The following CLSTN2 variants were observed in gnomAD, a reference collection of about 807,000 sequenced individuals.
The protein encoded by CLSTN2 is calsyntenin-2.
Under a neutral mutation model 101.2 loss-of-function variants are expected in CLSTN2, and 48 were observed. The observed-to-expected ratio is 0.47, with a 90% CI of 0.38 to 0.60. CLSTN2 has a LOEUF of 0.60. CLSTN2 is among the 20% of genes least tolerant of loss of function. The pLI, the probability that CLSTN2 is intolerant of heterozygous loss-of-function variation, is 0.00. For synonymous variants in CLSTN2, 481 were observed against 463.6 expected (o/e 1.04, Z -0.48); for missense variants, 1,160 against 1,238.2 (o/e 0.94, Z 0.95).
intron 1 of CLSTN2, among the ~76,000 whole-genome samples, chr3:140,115,717 A>G (rs1241250284): frequency 6.6e-6 from 1 of 152,198 alleles, no homozygotes; most frequent in Non-Finnish European, 1.5e-5. Context: ...CCAAAATGTC[A>G]TGCCCCAAGA....
In CLSTN2 at chr3:140,192,135, G is replaced by A. The variant is rs142918516; in HGVS notation, c.232+16062G>A. ...TTGCTAAATGTTTGGAGATTGTCCT[G>A]TTATCTCTCTATTATTGATTTCTAG... On this transcript the variant is annotated intron_variant, in intron 2 of 16. Transcript: ENST00000458420. Among the ~76,000 whole-genome samples the A allele has an allele frequency of 6.2e-4, 94 of 151,978 alleles. No individual in the cohort carries two copies. The East Asian group carries it at 0.016, about 26-fold the overall frequency.
chr3:140,170,428 A>G (rs775855298), intron 1 of CLSTN2, among the ~76,000 whole-genome samples: 16 of 152,166 alleles, frequency 1.1e-4, no homozygotes, highest in Non-Finnish European at 1.8e-4. Flanking sequence ...GAAGGGAGAA[A>G]ATTTGGGGGA....
intron 1 of CLSTN2, among the ~76,000 whole-genome samples, chr3:140,088,750 C>T (rs185200277): frequency 6.6e-6 from 1 of 152,164 alleles, no homozygotes; most frequent in Non-Finnish European, 1.5e-5. Flanking sequence ...TCATGCCTCT[C>T]CCCTGGGTTT....
intron 1 of CLSTN2, among the ~76,000 whole-genome samples, chr3:140,096,407 C>T (rs538189424): frequency 3.3e-5 from 5 of 152,166 alleles, no homozygotes; most frequent in Non-Finnish European, 7.3e-5. Context: ...GCATTTGTGA[C>T]GTGCCAGAGG....
intron 7 of CLSTN2, among the ~76,000 whole-genome samples, chr3:140,463,568 C>T (rs59781660): frequency 0.044 from 6,657 of 152,310 alleles, 385 homozygotes; most frequent in East Asian, 0.31. Context: ...CTTAAGTCTG[C>T]TCCAGGCTGG....
chr3:139,981,842 A>G (rs2107824020), intron 1 of CLSTN2, among the ~76,000 whole-genome samples: 1 of 152,328 alleles, frequency 6.6e-6, no homozygotes, highest in East Asian at 1.9e-4. Context: ...ATGTAAGCAA[A>G]TGAAAAAGTG....
intron 1 of CLSTN2, among the ~76,000 whole-genome samples, chr3:139,981,163 T>C (rs1004617805): frequency 1.7e-4 from 26 of 152,178 alleles, no homozygotes; most frequent in Admixed American, 3.3e-4. Flanking sequence ...TTTTGGAAAA[T>C]GTCATTCTCT....
intron 2 of CLSTN2, among the ~76,000 whole-genome samples, chr3:140,297,158 GT>G (rs927051204): frequency 1.3e-5 from 2 of 152,186 alleles, no homozygotes; most frequent in African/African-American, 4.8e-5. Context: ...TCAATTTGTT[GT>G]GTTTGTTTGC....
chr3:140,113,143 A>G lies in CLSTN2; in HGVS notation c.110-62808A>G, dbSNP rs563621032. On this transcript the variant is annotated intron_variant, in intron 1 of 16. Coordinates refer to ENST00000458420, the MANE Select transcript of CLSTN2 (RefSeq NM_022131.3). ...AAATTGGCCACGGATGGAATTTTAC[A>G]CCATGGAAATCGGCAAACACTACAA... 1.7e-3 allele frequency among the ~76,000 whole-genome samples: 258 copies of G among 152,266 alleles called. 2 individuals are homozygous for G. The highest frequency in any genetic ancestry group is 5.8e-3 in the African/African-American group (240 of 41,564).
intron 5 of CLSTN2, among the ~76,000 whole-genome samples, chr3:140,437,353 G>T (rs2088699276): frequency 6.6e-6 from 1 of 152,148 alleles, no homozygotes; most frequent in Non-Finnish European, 1.5e-5. Flanking sequence ...CAGCCAGGAG[G>T]TTCGGTTAAT....
chr3:140,117,782 A>T (rs1394513055), intron 1 of CLSTN2, among the ~76,000 whole-genome samples: 1 of 152,132 alleles, frequency 6.6e-6, no homozygotes. Flanking sequence ...AGATGGGAAA[A>T]CCAGGGAGGC....
intron 8 of CLSTN2, among the ~76,000 whole-genome samples, chr3:140,516,935 T>C (rs963894850): frequency 6.6e-6 from 1 of 152,212 alleles, no homozygotes; most frequent in African/African-American, 2.4e-5. Flanking sequence ...TTTCCAAACT[T>C]TTAGATTTCT....
At chr3:140,052,416 A>G (rs1404540640) in intron 1 of CLSTN2, among the ~76,000 whole-genome samples, 1 of 152,122 alleles carries the variant, frequency 6.6e-6, no homozygotes, top group African/African-American at 2.4e-5. Context: ...TCGGCCTCCC[A>G]AAGTGCTGAG....
At chr3:140,189,373 T>C (rs985814837) in intron 2 of CLSTN2, among the ~76,000 whole-genome samples, 8 of 152,170 alleles carry the variant, frequency 5.3e-5, no homozygotes. Flanking sequence ...ACCGGCAGTG[T>C]ATAAGTGATA....
chr3:140,024,187 C>G (rs2007374038), intron 1 of CLSTN2, among the ~76,000 whole-genome samples: 2 of 152,194 alleles, frequency 1.3e-5, no homozygotes, highest in Non-Finnish European at 2.9e-5. Flanking sequence ...ACCACACTTC[C>G]TGAGGCATCT....
chr3:140,486,441 A>C (rs182154225), intron 8 of CLSTN2, among the ~76,000 whole-genome samples: 3 of 152,356 alleles, frequency 2.0e-5, no homozygotes, highest in Non-Finnish European at 4.4e-5. Context: ...ACAACAAAAA[A>C]AGGATGGAGG....
chr3:140,447,356 G>A (rs1357953885), intron 5 of CLSTN2, among the ~76,000 whole-genome samples: 1 of 152,220 alleles, frequency 6.6e-6, no homozygotes, highest in East Asian at 1.9e-4. Flanking sequence ...TGTCCTCCCA[G>A]AGCGTGGGAT....
intron 8 of CLSTN2, among the ~76,000 whole-genome samples, chr3:140,522,350 CTT>C (rs61031456): frequency 0.07 from 10,697 of 152,286 alleles, 1,242 homozygotes; most frequent in African/African-American, 0.24. Context: ...GGTCCAGCCT[CTT>C]TTTACTAGTG....
At chr3:140,540,316 G>A (rs1365793112) in intron 9 of CLSTN2, among the ~76,000 whole-genome samples, 1 of 152,198 alleles carries the variant, frequency 6.6e-6, no homozygotes, top group Non-Finnish European at 1.5e-5. Context: ...AGCCTGCTGG[G>A]AGTGTGCCAT....
Sources: gnomAD v4.1 joint callset for allele counts (sites outside exome capture counted in the v4.1 genomes callset) on GRCh38, gnomAD v4.1.1 for gene constraint, MANE v1.5 for transcripts, NCBI Gene and HGNC (gene_info 2026-07-23, HGNC 2026-07-21) for gene names.